SLC44A1: variants seen among roughly 807,000 people sequenced by gnomAD.
The protein encoded by SLC44A1 is solute carrier family 44 member 1, also known as choline transporter-like protein 1.
SLC44A1 carries 26 observed loss-of-function variants against 79.3 expected under a neutral mutation model. That is an observed-to-expected ratio of 0.33 (90% confidence interval 0.24 to 0.46). The LOEUF is 0.46. SLC44A1 is among the 20% of genes least tolerant of loss of function. The pLI is 1.00. For missense variants in SLC44A1, 688 were observed against 798.1 expected (o/e 0.86, Z 1.66); for synonymous variants, 263 against 286.2 (o/e 0.92, Z 0.82).
In SLC44A1 at chr9:105,285,805, A is replaced by G. The variant is rs1830460129; in HGVS notation, c.37-13415A>G. Among the ~76,000 whole-genome samples, 3 of 152,170 alleles carry G rather than the reference A, an allele frequency of 2.0e-5. 1 individual carries two copies. The South Asian group carries it at 6.2e-4, about 32-fold the overall frequency. On this transcript the variant is annotated intron_variant, in intron 1 of 15. Coordinates refer to ENST00000374720, the MANE Select transcript of SLC44A1 (RefSeq NM_080546.5). ...AATGTCATCAGTTAAGGCTATTGTC[A>G]CTTCTTTTGTGGATCTTCAGTTGCT...
At chr9:105,331,990 C>T (rs984303828) in intron 3 of SLC44A1, among the ~76,000 whole-genome samples, 5 of 152,064 alleles carry the variant, frequency 3.3e-5, no homozygotes, top group Non-Finnish European at 7.4e-5. Context: ...ACACACCCAA[C>T]AAATGTTAAT....
chr9:105,362,163 C>T (rs73512070), intron 8 of SLC44A1, among the ~76,000 whole-genome samples: 17 of 151,870 alleles, frequency 1.1e-4, no homozygotes, highest in African/African-American at 3.9e-4. Flanking sequence ...ATATGTATAC[C>T]TTTGGTTCAT....
rs1829389842 is a variant in SLC44A1 at position 105,244,917 on chromosome 9, CGCCTCCCGGCCGCCCGCCCGGAT to C, written c.36+22_36+44del. 1 of 1,179,434 alleles carries C rather than the reference CGCCTCCCGGCCGCCCGCCCGGAT, an allele frequency of 8.5e-7. No individual in the cohort carries two copies. The highest frequency in any genetic ancestry group is 4.6e-5 in the Admixed American group (1 of 21,822). 73.1% of individuals were successfully genotyped at this position (1,179,434 alleles called of 1,614,324 possible). The stretch of plus-strand genomic sequence containing the variant: ...CTCCGCCGCGCAGGTGAGGGGCTCC[CGCCTCCCGGCCGCCCGCCCGGAT>C]GCCTCCCGTGCGCCGCGTCGCGCGG... On this transcript the variant is annotated intron_variant, in intron 1 of 15. Transcript: ENST00000374720.
Position 105,393,800 on chromosome 9 carries a change from A to G in SLC44A1, c.*4744A>G, listed in dbSNP as rs1007623504. On this transcript the variant is annotated 3_prime_UTR_variant, in exon 16 of 16. Transcript: ENST00000374720. Reference sequence around the variant, plus strand: ...GAGATTGTTCGAGACCTATTAGGCTATTCTTCAGTTTTGATGCTCAGTTTT... The same window carrying G: ...GAGATTGTTCGAGACCTATTAGGCTGTTCTTCAGTTTTGATGCTCAGTTTT... 2.9e-5 allele frequency: 29 copies of G among 985,106 alleles called. No individual in the cohort carries two copies. Among genetic ancestry groups the G allele is most frequent in the Admixed American group, 6.2e-5 (1 of 16,260 alleles). The allele number at this position is 985,106 out of a possible 1,614,324, so 61.0% of individuals were successfully genotyped here. A position where few individuals can be genotyped will look rare whatever the true frequency, so the allele number is the denominator to read the frequency against.
intron 1 of SLC44A1, among the ~76,000 whole-genome samples, chr9:105,297,301 G>T (rs1830749917): frequency 6.8e-6 from 1 of 148,092 alleles, no homozygotes; most frequent in Non-Finnish European, 1.5e-5. Flanking sequence ...TTGATAGGCA[G>T]ATATTTTAAA....
At chr9:105,371,359 C>T (rs1828092905) in intron 12 of SLC44A1, among the ~76,000 whole-genome samples, 2 of 152,202 alleles carry the variant, frequency 1.3e-5, no homozygotes, top group Admixed American at 6.5e-5. Flanking sequence ...AGTTCCATCA[C>T]CGTAGCATGA....
At chr9:105,319,186 A>T (rs1360325113) in intron 3 of SLC44A1, among the ~76,000 whole-genome samples, 1 of 151,868 alleles carries the variant, frequency 6.6e-6, no homozygotes, top group Non-Finnish European at 1.5e-5. Flanking sequence ...CTTATATCTG[A>T]CCCCAATTGC....
chr9:105,429,707 A>C (rs1290364312), intron 15 of SLC44A1, among the ~76,000 whole-genome samples: 1 of 152,194 alleles, frequency 6.6e-6, no homozygotes, highest in Non-Finnish European at 1.5e-5. Flanking sequence ...TTACAGATTA[A>C]TCATCATCCA....
At chr9:105,434,966 G>A (rs1228461724) in intron 15 of SLC44A1, among the ~76,000 whole-genome samples, 3 of 152,140 alleles carry the variant, frequency 2.0e-5, no homozygotes, top group African/African-American at 7.2e-5. Context: ...GCAACCTGGT[G>A]TAATCCCATC....
At chr9:105,432,785 A>C (rs1829413533) in intron 15 of SLC44A1, among the ~76,000 whole-genome samples, 1 of 152,228 alleles carries the variant, frequency 6.6e-6, no homozygotes, top group Non-Finnish European at 1.5e-5. Context: ...TCAGAAAGAC[A>C]GCCAGACTTC....
At chr9:105,300,770 G>GA (rs933154440) in intron 2 of SLC44A1, among the ~76,000 whole-genome samples, 56 of 143,144 alleles carry the variant, frequency 3.9e-4, no homozygotes, top group African/African-American at 1.5e-3. Flanking sequence ...AGCGTGTGGA[G>GA]AAAAAAAATT....
rs1828536330 is a variant in SLC44A1 at position 105,383,368 on chromosome 9, T to C, written c.1869+9T>C. On this transcript the variant is annotated intron_variant, in intron 14 of 15. Transcript: ENST00000374720. ...TGGATAAAGTGCTGATGGTAAGTAC[T>C]TCAAATGCCGTTTCCTATTTTAGGG... 8.3e-6 allele frequency: 12 copies of C among 1,445,770 alleles called. No individual in the cohort carries two copies. Among genetic ancestry groups the C allele is most frequent in the Admixed American group, 1.7e-5 (1 of 59,326 alleles). 89.6% of individuals were successfully genotyped at this position (1,445,770 alleles called of 1,614,324 possible).
intron 15 of SLC44A1, among the ~76,000 whole-genome samples, chr9:105,429,593 ACAC>A (rs1354928103): frequency 1.3e-5 from 2 of 152,214 alleles, no homozygotes; most frequent in Non-Finnish European, 2.9e-5. Flanking sequence ...ATGCACCACA[ACAC>A]CTGGCCCTTC....
At chr9:105,297,964 T>TA (rs1830771585) in intron 1 of SLC44A1, among the ~76,000 whole-genome samples, 1 of 152,140 alleles carries the variant, frequency 6.6e-6, no homozygotes, top group Non-Finnish European at 1.5e-5. Flanking sequence ...GATACCTTCT[T>TA]TCTCCCTTCA....
chr9:105,299,363 C>A, intron 2 of SLC44A1, 54 bp downstream of exon 2: 1 of 1,265,816 alleles, frequency 7.9e-7, no homozygotes, highest in Non-Finnish European at 1.1e-6. Context: ...AAGGGAATGA[C>A]GAGTAGTTGT....
intron 3 of SLC44A1, among the ~76,000 whole-genome samples, chr9:105,325,377 T>C (rs538963354): frequency 1.3e-5 from 2 of 152,314 alleles, no homozygotes; most frequent in Admixed American, 6.5e-5. Context: ...ATTCACTCGT[T>C]TTCTGTTGCC....
intron 15 of SLC44A1, chr9:105,386,141 G>C: frequency 1.0e-6 from 1 of 979,852 alleles, no homozygotes; most frequent in Non-Finnish European, 1.2e-6. Flanking sequence ...ATTTCTGGTA[G>C]TTGATATTAT....
chr9:105,413,392 C>T (rs1010734602), intron 15 of SLC44A1, among the ~76,000 whole-genome samples: 1 of 152,204 alleles, frequency 6.6e-6, no homozygotes, highest in African/African-American at 2.4e-5. Flanking sequence ...GAAAATTTCG[C>T]CTTCCCAATA....
Position 105,390,536 on chromosome 9 carries a change from C to T in SLC44A1, c.*1480C>T, listed in dbSNP as rs1457591571. ...ACCAGAACTAGACAGTGAATTAGAT[C>T]GGTATTATGGAAATGCATACAAGTA... On this transcript the variant is annotated 3_prime_UTR_variant, in exon 16 of 16. Coordinates refer to ENST00000374720, the MANE Select transcript of SLC44A1 (RefSeq NM_080546.5). 1.1e-5 allele frequency: 11 copies of T among 983,968 alleles called. No individual in the cohort carries two copies. The highest frequency in any genetic ancestry group is 1.2e-4 in the Admixed American group (2 of 16,060). 61.0% of individuals were successfully genotyped at this position (983,968 alleles called of 1,614,324 possible). A position where few individuals can be genotyped will look rare whatever the true frequency, so the allele number is the denominator to read the frequency against.
Sources: gnomAD v4.1 joint callset for allele counts (sites outside exome capture counted in the v4.1 genomes callset) on GRCh38, gnomAD v4.1.1 for gene constraint, MANE v1.5 for transcripts, NCBI Gene and HGNC (gene_info 2026-07-23, HGNC 2026-07-21) for gene names.